The following LTAP1 variants were observed in gnomAD, a reference collection of about 807,000 sequenced individuals.
LTAP1 encodes lipid transport auxiliary protein 1, also known as HCV NS5A-transactivated protein 4.
the LTAP1 span, chr1:154,207,634 A>T: frequency 6.2e-7 from 1 of 1,607,042 alleles, no homozygotes; most frequent in Middle Eastern, 1.7e-4. Flanking sequence ...AGAGCTCCCA[A>T]TTCGTGCTTT....
chr1:154,214,106 C>T, the LTAP1 span, among the ~76,000 whole-genome samples: 21 of 152,094 alleles, frequency 1.4e-4, no homozygotes, highest in African/African-American at 4.3e-4. Flanking sequence ...GGAGAAACCC[C>T]GTCTCTAGTA....
the LTAP1 span, chr1:154,207,135 G>T: frequency 3.9e-6 from 1 of 254,426 alleles, no homozygotes. Flanking sequence ...GAACAGGGAA[G>T]GTGAACTATG....
chr1:154,212,497 G>T, the LTAP1 span: 9 of 1,614,006 alleles, frequency 5.6e-6, no homozygotes, highest in Non-Finnish European at 7.6e-6. Flanking sequence ...CATCCAAAAG[G>T]GTATCAATGA....
At chr1:154,207,993 C>T in the LTAP1 span, among the ~76,000 whole-genome samples, 53 of 151,818 alleles carry the variant, frequency 3.5e-4, no homozygotes, top group African/African-American at 1.1e-3. Context: ...CCCAGCTACT[C>T]GGGAGGCTGA....
chr1:154,207,446 A>T, the LTAP1 span: 1 of 1,613,684 alleles, frequency 6.2e-7, no homozygotes. Context: ...AGAGTCCTTC[A>T]GCTCCGTCAC....
the LTAP1 span, among the ~76,000 whole-genome samples, chr1:154,216,512 T>A: frequency 6.9e-6 from 1 of 145,314 alleles, no homozygotes; most frequent in Admixed American, 6.9e-5. Context: ...TTATTAAACA[T>A]TTTTTTTTTT....
the LTAP1 span, chr1:154,212,240 T>C: frequency 6.9e-7 from 1 of 1,446,794 alleles, no homozygotes; most frequent in South Asian, 1.1e-5. Flanking sequence ...GTTTATATGC[T>C]TTATGAAGGT....
chr1:154,210,479 CTGTT>C, the LTAP1 span, among the ~76,000 whole-genome samples: 42 of 152,016 alleles, frequency 2.8e-4, no homozygotes, highest in African/African-American at 2.4e-5. Context: ...TGGTAACTAA[CTGTT>C]TATTATTATT....
chr1:154,212,372 C>T, the LTAP1 span: 1 of 1,614,094 alleles, frequency 6.2e-7, no homozygotes, highest in East Asian at 2.2e-5. Flanking sequence ...TCATTCTGGC[C>T]AAAGACCTTA....
At chr1:154,219,923 TAGC>T in the LTAP1 span, 4 of 1,612,610 alleles carry the variant, frequency 2.5e-6, no homozygotes, top group South Asian at 1.1e-5. Flanking sequence ...CAAAAATAAA[TAGC>T]AGTACAAACA....
chr1:154,212,067 G>A, the LTAP1 span: 1 of 442,322 alleles, frequency 2.3e-6, no homozygotes, highest in Admixed American at 3.4e-5. Flanking sequence ...ATGTTGGTCA[G>A]GCTGGTCTCG....
At chr1:154,215,564 A>G in the LTAP1 span, among the ~76,000 whole-genome samples, 3 of 133,474 alleles carry the variant, frequency 2.2e-5, no homozygotes, top group South Asian at 4.5e-4. Context: ...AGACGTCTCC[A>G]AAAAAAAAAA....
At chr1:154,219,879 G>C in the LTAP1 span, 1 of 1,613,900 alleles carries the variant, frequency 6.2e-7, no homozygotes, top group Non-Finnish European at 8.5e-7. Flanking sequence ...TCCCCTTCGA[G>C]ATTTCATTGC....
At chr1:154,208,754 A>C in the LTAP1 span, among the ~76,000 whole-genome samples, 3 of 151,860 alleles carry the variant, frequency 2.0e-5, no homozygotes, top group Non-Finnish European at 4.4e-5. Flanking sequence ...ATCAAACATA[A>C]TTTTTTGTTT....
At chr1:154,207,433 G>A in the LTAP1 span, 3 of 1,612,196 alleles carry the variant, frequency 1.9e-6, no homozygotes, top group Non-Finnish European at 2.5e-6. Context: ...TTAATCTACG[G>A]CAAGAGTCCT....
chr1:154,215,832 C>G, the LTAP1 span, among the ~76,000 whole-genome samples: 1 of 151,402 alleles, frequency 6.6e-6, no homozygotes, highest in African/African-American at 2.4e-5. Flanking sequence ...AACATTACCA[C>G]TAACTTTCTT....
At chr1:154,217,972 C>G in the LTAP1 span, among the ~76,000 whole-genome samples, 1 of 152,078 alleles carries the variant, frequency 6.6e-6, no homozygotes, top group Non-Finnish European at 1.5e-5. Context: ...TGCTCTTGCC[C>G]ATGCTGGAGT....
the LTAP1 span, among the ~76,000 whole-genome samples, chr1:154,211,324 CTTTTTTTTTTTTTTTTT>C: frequency 2.4e-4 from 8 of 34,028 alleles, no homozygotes; most frequent in South Asian, 1.3e-3. Context: ...TTATTTAATT[CTTTTTTTTTTTTTTTTT>C]TTTTTTTTTT....
chr1:154,217,086 A>G, the LTAP1 span, among the ~76,000 whole-genome samples: 1 of 151,720 alleles, frequency 6.6e-6, no homozygotes, highest in Admixed American at 6.6e-5. Context: ...AGCTGGGATT[A>G]CAGGCACACA....
Sources: gnomAD v4.1 joint callset for allele counts (sites outside exome capture counted in the v4.1 genomes callset) on GRCh38, gnomAD v4.1.1 for gene constraint, MANE v1.5 for transcripts, NCBI Gene and HGNC (gene_info 2026-07-23, HGNC 2026-07-21) for gene names.